The following RNF220 variants were observed in gnomAD, a reference collection of about 807,000 sequenced individuals.
RNF220 encodes the protein ring finger protein 220, also known as E3 ubiquitin-protein ligase RNF220.
In RNF220, 7 loss-of-function variants were observed where a neutral mutation model predicts 67.1. The observed-to-expected ratio is 0.10, with a 90% CI of 0.06 to 0.20. The LOEUF is 0.20. Among genes scored for constraint, RNF220 ranks in the 10% least tolerant of loss-of-function variants. RNF220 has a pLI of 1.00. For synonymous variants in RNF220, 270 were observed against 283.2 expected, an observed-to-expected ratio of 0.95 and a Z score of 0.47; for missense variants, 565 against 740.3, an observed-to-expected ratio of 0.76 and a Z score of 2.75.
intron 2 of RNF220, among the ~76,000 whole-genome samples, chr1:44,519,166 G>A (rs1659706184): frequency 6.6e-6 from 1 of 152,206 alleles, no homozygotes; most frequent in South Asian, 2.1e-4. Context: ...AGAATGACAT[G>A]CAGAGAAAGG....
At chr1:44,427,685 G>A (rs1649935048) in intron 2 of RNF220, among the ~76,000 whole-genome samples, 1 of 152,232 alleles carries the variant, frequency 6.6e-6, no homozygotes, top group Admixed American at 6.5e-5. Flanking sequence ...AGACGAGACA[G>A]ATGCACCTAC....
intron 2 of RNF220, among the ~76,000 whole-genome samples, chr1:44,591,079 A>G (rs1666083481): frequency 6.6e-6 from 1 of 152,196 alleles, no homozygotes; most frequent in South Asian, 2.1e-4. Context: ...CTCCTGCCTC[A>G]GCCTCCCGAG....
intron 2 of RNF220, among the ~76,000 whole-genome samples, chr1:44,608,336 T>TCTGG (rs1667429941): frequency 6.6e-6 from 1 of 152,250 alleles, no homozygotes; most frequent in Non-Finnish European, 1.5e-5. Context: ...TTCATTATTG[T>TCTGG]CTGGCATCTG....
chr1:44,642,001 G>A (rs1644502376), intron 8 of RNF220, among the ~76,000 whole-genome samples: 1 of 152,242 alleles, frequency 6.6e-6, no homozygotes, highest in African/African-American at 2.4e-5. Flanking sequence ...CAGCTAACTA[G>A]GACCTAATAG....
chr1:44,495,988 T>G (rs1657312274), intron 2 of RNF220, among the ~76,000 whole-genome samples: 1 of 152,230 alleles, frequency 6.6e-6, no homozygotes, highest in Non-Finnish European at 1.5e-5. Context: ...GGTCAGTTCG[T>G]GCAGGGCTTT....
At chr1:44,507,671 G>A (rs1355068138) in intron 2 of RNF220, among the ~76,000 whole-genome samples, 1 of 152,116 alleles carries the variant, frequency 6.6e-6, no homozygotes, top group African/African-American at 2.4e-5. Flanking sequence ...CCAGCTGGAC[G>A]CAGAGGGGGG....
intron 2 of RNF220, among the ~76,000 whole-genome samples, chr1:44,422,104 G>A (rs986065685): frequency 1.3e-5 from 2 of 152,196 alleles, no homozygotes; most frequent in Non-Finnish European, 2.9e-5. Context: ...TCACAAAGGT[G>A]TGTACTAGGT....
chr1:44,534,708 A>G (rs1661071907), intron 2 of RNF220, among the ~76,000 whole-genome samples: 1 of 152,180 alleles, frequency 6.6e-6, no homozygotes. Context: ...CCATCATAAT[A>G]GCCGAATTAT....
rs370943398 is a variant in RNF220, at chr1:44,490,806, C to G, written c.625+78084C>G. 1.2e-4 allele frequency among the ~76,000 whole-genome samples: 18 copies of G among 152,010 alleles called. No individual in the cohort carries two copies. In the South Asian group the frequency reaches 3.5e-3, roughly 30 times the overall value. On this transcript the variant is annotated intron_variant, in intron 2 of 14. Transcript: ENST00000361799. ...ACATCAACACACCCAAAAATTGGTT[C>G]TTTGGAAAGATCAATAAATTGAAAA...
In RNF220 at chr1:44,405,412, C is replaced by A; in HGVS notation, c.-236C>A. On this transcript the variant is annotated 5_prime_UTR_variant, in exon 1 of 15. Transcript: ENST00000361799. ...CTGCTGCTGCCGCTGCCGCCGCCGC[C>A]GCCGCCGCTGCCTCCGCCGGCTCTG... The A allele has an allele frequency of 1.6e-6, 1 of 635,598 alleles. No individual in the cohort carries two copies. Among genetic ancestry groups the A allele is most frequent in the Admixed American group, 2.4e-5 (1 of 41,784 alleles). The allele number at this position is 635,598 out of a possible 1,614,324, so 39.4% of individuals were successfully genotyped here. A position where few individuals can be genotyped will look rare whatever the true frequency, so the allele number is the denominator to read the frequency against.
At position 44,454,900 on chromosome 1, in the gene RNF220, C is replaced by T. The variant is rs116719424; in HGVS notation, c.625+42178C>T. On this transcript the variant is annotated intron_variant, in intron 2 of 14. Transcript: ENST00000361799. Reference sequence around the variant, plus strand: ...TCCTTTTTGTTACTGAGTAGTATTCCATTATGTGGATATACCGCCATTTGT... The same window carrying T: ...TCCTTTTTGTTACTGAGTAGTATTCTATTATGTGGATATACCGCCATTTGT... 5.6e-3 allele frequency among the ~76,000 whole-genome samples: 857 copies of T among 152,168 alleles called. 6 individuals are homozygous for T. The highest frequency in any genetic ancestry group is 0.02 in the African/African-American group (819 of 41,516).
At chr1:44,479,154 C>T (rs759123974) in intron 2 of RNF220, among the ~76,000 whole-genome samples, 8 of 150,172 alleles carry the variant, frequency 5.3e-5, no homozygotes, top group African/African-American at 9.8e-5. Context: ...CTCACTCAGT[C>T]GCCCAGGCTG....
At chr1:44,564,494 C>T (rs764466253) in intron 2 of RNF220, among the ~76,000 whole-genome samples, 11 of 152,052 alleles carry the variant, frequency 7.2e-5, no homozygotes, top group Non-Finnish European at 1.6e-4. Flanking sequence ...GTGGTTCATG[C>T]CTGTAATCAG....
At chr1:44,454,092 G>T (rs559624631) in intron 2 of RNF220, among the ~76,000 whole-genome samples, 1 of 152,084 alleles carries the variant, frequency 6.6e-6, no homozygotes, top group African/African-American at 2.4e-5. Flanking sequence ...TGGGTGTGTG[G>T]ACTCCCAGAT....
intron 5 of RNF220, chr1:44,631,859 G>A (rs1644135763): frequency 1.0e-6 from 1 of 974,996 alleles, no homozygotes; most frequent in Non-Finnish European, 1.2e-6. Flanking sequence ...GGAGGCTTCT[G>A]CCGGTTGCTA....
chr1:44,486,236 G>C (rs1572649218), intron 2 of RNF220, among the ~76,000 whole-genome samples: 1 of 152,072 alleles, frequency 6.6e-6, no homozygotes, highest in Admixed American at 6.6e-5. Context: ...GTGAAAGGGG[G>C]GGGCCTTTGG....
rs1209710022 is a variant in RNF220 at position 44,650,391 on chromosome 1, G to A, written c.1630-313G>A. On this transcript the variant is annotated intron_variant, in intron 14 of 14. Coordinates refer to ENST00000361799, the MANE Select transcript of RNF220 (RefSeq NM_018150.4). This position sits in a 1 kb window ranked among gnomAD's most constrained non-coding sequence, Gnocchi z 4.3. Reference sequence around the variant, plus strand: ...GGAGACAGTAATAAAAGGCTCGGACGTGGGCTCTGTGTCCTGATCAAAGGC... The same window carrying A: ...GGAGACAGTAATAAAAGGCTCGGACATGGGCTCTGTGTCCTGATCAAAGGC... 8 of 483,878 alleles carry A rather than the reference G, an allele frequency of 1.7e-5. No individual in the cohort carries two copies. Among genetic ancestry groups the A allele is most frequent in the South Asian group, 1.0e-4 (4 of 39,134 alleles). 30.0% of individuals were successfully genotyped at this position (483,878 alleles called of 1,614,324 possible).
At chr1:44,562,613 C>T (rs113710267) in intron 2 of RNF220, among the ~76,000 whole-genome samples, 1 of 152,212 alleles carries the variant, frequency 6.6e-6, no homozygotes, top group Admixed American at 6.5e-5. Context: ...TCAGCCTGAG[C>T]AGGTCCCAGA....
intron 2 of RNF220, among the ~76,000 whole-genome samples, chr1:44,523,538 A>G (rs138322703): frequency 2.6e-5 from 4 of 152,272 alleles, no homozygotes; most frequent in African/African-American, 9.6e-5. Flanking sequence ...TGCATCTGTC[A>G]TTGTTTGCGT....
Sources: gnomAD v4.1 joint callset for allele counts (sites outside exome capture counted in the v4.1 genomes callset) on GRCh38, gnomAD v4.1.1 for gene constraint, Gnocchi (gnomAD v3.1) non-coding constraint, MANE v1.5 for transcripts, NCBI Gene and HGNC (gene_info 2026-07-23, HGNC 2026-07-21) for gene names.